The following ANKAR variants were observed in gnomAD, a reference collection of about 807,000 sequenced individuals.
ANKAR encodes the protein ankyrin and armadillo repeat-containing protein.
ANKAR carries 136 observed loss-of-function variants against 146.2 expected under a neutral mutation model. The ratio of observed to expected loss-of-function variants is 0.93; its 90% CI spans 0.81 to 1.07. The LOEUF (loss-of-function observed/expected upper bound fraction) is 1.07, where lower values mean the gene tolerates loss of function less well. Ranked by LOEUF, ANKAR falls within the 50% of genes least tolerant of loss-of-function variation. The probability of loss-of-function intolerance (pLI) is 0.00; values close to 1 mark genes in which losing one functional copy is unlikely to be tolerated. For missense variants in ANKAR, 1,567 were observed against 1,679.9 expected, an observed-to-expected ratio of 0.93 and a Z score of 1.18; for synonymous variants, 500 against 575.8, an observed-to-expected ratio of 0.87 and a Z score of 1.88.
rs1272541633 is a variant in ANKAR, at chr2:189,738,424, C to T, written c.3583-141C>T. ...CTCTAACTCTCCCCACCACCACATG[C>T]TGCTTCTATTGAATCCTCTAAACAC... On this transcript the variant is annotated intron_variant, in intron 18 of 22. Transcript: ENST00000684021. 5.3e-6 allele frequency: 3 copies of T among 564,510 alleles called. No individual in the cohort carries two copies. In the African/African-American group the frequency reaches 5.8e-5, roughly 11 times the overall value. 35.0% of individuals were successfully genotyped at this position (564,510 alleles called of 1,614,324 possible).
rs2033333696 is a variant in ANKAR at position 189,675,163 on chromosome 2, A to T, written c.-36+333A>T. ...TCAGTGGTGGGATTCAGCGATTTGT[A>T]TTTGAACAAGCCCCAGGTGATTTTG... On this transcript the variant is annotated intron_variant, in intron 1 of 22. Transcript: ENST00000684021. 2.0e-5 allele frequency among the ~76,000 whole-genome samples: 3 copies of T among 146,608 alleles called. No individual in the cohort carries two copies. In the South Asian group the frequency reaches 6.7e-4, roughly 33 times the overall value.
chr2:189,710,987 T>G, intron 9 of ANKAR, 62 bp from the exon 10 acceptor site: 1 of 1,393,592 alleles, frequency 7.2e-7, no homozygotes, highest in Non-Finnish European at 1.0e-6. Context: ...AAAAACAGAA[T>G]CAAGCATTTC....
chr2:189,760,316 C>A (rs909825097), intron 18 of ANKAR, among the ~76,000 whole-genome samples: 1 of 152,200 alleles, frequency 6.6e-6, no homozygotes, highest in Non-Finnish European at 1.5e-5. Context: ...GGGCTCCTCA[C>A]TTCCCAGAGG....
rs2044194918 is a variant in ANKAR at position 189,746,563 on chromosome 2, T to C, written c.4241T>C (p.Ile1414Thr). 2 of 1,613,738 alleles carry C rather than the reference T, an allele frequency of 1.2e-6. No individual in the cohort carries two copies. The highest frequency in any genetic ancestry group is 1.3e-5 in the African/African-American group (1 of 75,036). Reference protein sequence around the residue: ...SDITNVSRPRIVCLNQLGKHV... With the variant: ...SDITNVSRPRTVCLNQLGKHV... Reference sequence around the variant, plus strand: ...ATCACAAATGTATCAAGACCAAGAATAGTGTGTTTGAACCAACTTGGGAAA... The same window carrying C: ...ATCACAAATGTATCAAGACCAAGAACAGTGTGTTTGAACCAACTTGGGAAA... Residue 1414 changes from isoleucine to threonine, a missense_variant, in exon 23 of 23, where the codon ATA becomes ACA. Transcript: ENST00000684021.
At chr2:189,762,286 C>T (rs1295492122), downstream of ANKAR, among the ~76,000 whole-genome samples, 1 of 152,162 alleles carries the variant, frequency 6.6e-6, no homozygotes, top group South Asian at 2.1e-4. Context: ...CACTAAAGCA[C>T]ACTAGTATTT....
chr2:189,757,228 A>T (rs1323721950), intron 18 of ANKAR, among the ~76,000 whole-genome samples: 1 of 152,188 alleles, frequency 6.6e-6, no homozygotes, highest in Non-Finnish European at 1.5e-5. Flanking sequence ...AAGGGAGAGG[A>T]AAGTTGCAAA....
downstream of ANKAR, chr2:189,762,812 G>T: frequency 1.0e-6 from 1 of 985,496 alleles, no homozygotes; most frequent in Non-Finnish European, 1.2e-6. Flanking sequence ...ACTGTGCAAG[G>T]TCCCGTCCAG....
At chr2:189,692,631 A>G in intron 4 of ANKAR, 1 of 423,380 alleles carries the variant, frequency 2.4e-6, no homozygotes, top group East Asian at 4.6e-5. Context: ...ATAAAATTAT[A>G]AATAAGCTAG....
At chr2:189,692,182 A>G in intron 3 of ANKAR, 73 bp from the exon 4 acceptor site, 10 of 1,277,272 alleles carry the variant, frequency 7.8e-6, no homozygotes, top group Non-Finnish European at 1.1e-5. Flanking sequence ...CATGAATGAG[A>G]AGCTAGATCT....
intron 2 of ANKAR, among the ~76,000 whole-genome samples, chr2:189,680,283 A>G (rs6723158): frequency 0.99 from 150,415 of 152,260 alleles, 74,332 homozygotes; most frequent in East Asian, 1. Flanking sequence ...GGTATCGGTT[A>G]TAATGACTCC....
At position 189,696,149 on chromosome 2, in the gene ANKAR, G is replaced by C. The variant is rs376598809; in HGVS notation, c.1489-1G>C. On this transcript the variant is annotated splice_acceptor_variant, in intron 6 of 22. Transcript: ENST00000684021. LOFTEE classifies it high-confidence loss of function. ...ACTGATTCTGGCCTTCTTAATTTTAGAGTATTCCATTTGGTATGAAGTCCG... is the reference window on the plus strand; with the variant it reads ...ACTGATTCTGGCCTTCTTAATTTTACAGTATTCCATTTGGTATGAAGTCCG... 1.2e-6 allele frequency: 2 copies of C among 1,613,256 alleles called. No individual in the cohort carries two copies. Among genetic ancestry groups the C allele is most frequent in the Non-Finnish European group, 8.5e-7 (1 of 1,179,792 alleles).
chr2:189,695,470 C>T (rs2037066303), intron 6 of ANKAR, among the ~76,000 whole-genome samples: 1 of 152,142 alleles, frequency 6.6e-6, no homozygotes, highest in South Asian at 2.1e-4. Flanking sequence ...CTATTATTAT[C>T]ATTCCTGTTA....
chr2:189,683,351 G>A (rs2035038641), intron 2 of ANKAR, among the ~76,000 whole-genome samples: 1 of 152,202 alleles, frequency 6.6e-6, no homozygotes, highest in African/African-American at 2.4e-5. Context: ...TTTCAGATTT[G>A]TTCCTACACC....
chr2:189,754,233 G>A (rs1208175422), intron 18 of ANKAR: 1 of 1,613,808 alleles, frequency 6.2e-7, no homozygotes, highest in Non-Finnish European at 8.5e-7. Context: ...ATGCAAGGGA[G>A]GTTTGATGTC....
At chr2:189,718,109 C>A (rs1041599252) in intron 10 of ANKAR, among the ~76,000 whole-genome samples, 1 of 151,558 alleles carries the variant, frequency 6.6e-6, no homozygotes, top group African/African-American at 2.4e-5. Flanking sequence ...TAGTTCTACC[C>A]CATAGGATTG....
At chr2:189,676,332 A>G (rs1243542101) in intron 1 of ANKAR, 124 bp from the exon 2 acceptor site, 6 of 853,756 alleles carry the variant, frequency 7.0e-6, no homozygotes, top group African/African-American at 1.7e-5. Context: ...TTTGAAAACT[A>G]TAATGGTTGA....
chr2:189,680,857 T>C (rs1029187084), intron 2 of ANKAR, among the ~76,000 whole-genome samples: 1 of 152,170 alleles, frequency 6.6e-6, no homozygotes, highest in Admixed American at 6.5e-5. Context: ...TATCATATGA[T>C]CTATCTTGGA....
In ANKAR at chr2:189,695,102, G is replaced by C. The variant is rs1194047489; in HGVS notation, c.1429G>C (p.Ala477Pro). The change falls in exon 6 of 23, where the codon GCT becomes CCT. Residue 477 changes from alanine (A) to proline (P), a missense_variant. Coordinates refer to ENST00000684021, the MANE Select transcript of ANKAR (RefSeq NM_001378068.1). Reference sequence around the variant, plus strand: ...ACTGAAAAGACTTCCACTGACAGATGCTCAATTACATGAACAATTTAAGAA... The same window carrying C: ...ACTGAAAAGACTTCCACTGACAGATCCTCAATTACATGAACAATTTAAGAA... ...LRLKRLPLTD[A>P]QLHEQFKKKL... 1 of 1,611,870 alleles carries C rather than the reference G, an allele frequency of 6.2e-7. No homozygotes were observed. Among genetic ancestry groups the C allele is most frequent in the East Asian group, 2.2e-5 (1 of 44,756 alleles).
intron 5 of ANKAR, among the ~76,000 whole-genome samples, 162 bp downstream of exon 5, chr2:189,693,339 T>A (rs539365326): frequency 2.6e-4 from 39 of 152,310 alleles, no homozygotes; most frequent in African/African-American, 9.4e-4. Context: ...AAATATTAAA[T>A]GTTATAGTTA....
Sources: gnomAD v4.1 joint callset for allele counts (sites outside exome capture counted in the v4.1 genomes callset) on GRCh38, gnomAD v4.1.1 for gene constraint, MANE v1.5 for transcripts, NCBI Gene and HGNC (gene_info 2026-07-23, HGNC 2026-07-21) for gene names.